PRPSAP1: variants seen among roughly 807,000 people sequenced by gnomAD.
PRPSAP1 encodes the protein phosphoribosyl pyrophosphate synthase-associated protein 1.
A neutral mutation model predicts 39.4 loss-of-function variants in PRPSAP1; 31 were observed. The ratio of observed to expected loss-of-function variants is 0.79; its 90% CI spans 0.59 to 1.06. The LOEUF (loss-of-function observed/expected upper bound fraction) is 1.06, where lower values mean the gene tolerates loss of function less well. Ranked by LOEUF, PRPSAP1 falls within the 50% of genes least tolerant of loss-of-function variation. The probability of loss-of-function intolerance (pLI) is 0.00; values close to 1 mark genes in which losing one functional copy is unlikely to be tolerated. For missense variants in PRPSAP1, 430 were observed against 511.6 expected (o/e 0.84, Z 1.54); for synonymous variants, 212 against 192.6 (o/e 1.10, Z -0.83).
intron 2 of PRPSAP1, among the ~76,000 whole-genome samples, chr17:76,345,231 T>A (rs1469046948): frequency 1.6e-5 from 1 of 62,024 alleles, no homozygotes. Flanking sequence ...CAAGATTCCG[T>A]CTCATTAAAA....
At chr17:76,313,546 G>A (rs1205256932) in intron 8 of PRPSAP1, 2 of 417,048 alleles carry the variant, frequency 4.8e-6, no homozygotes, top group Non-Finnish European at 8.6e-6. Context: ...ATGATTAGGT[G>A]AGCTGGTTTA....
chr17:76,348,222 T>C (rs1598543830), intron 2 of PRPSAP1, among the ~76,000 whole-genome samples: 2 of 151,632 alleles, frequency 1.3e-5, no homozygotes, highest in African/African-American at 4.9e-5. Context: ...CCTGTAATCC[T>C]AGCACTTTGG....
chr17:76,344,261 G>A (rs138608860), intron 3 of PRPSAP1, among the ~76,000 whole-genome samples: 2 of 152,252 alleles, frequency 1.3e-5, no homozygotes, highest in East Asian at 1.9e-4. Context: ...CTAAGTAGCT[G>A]GGACTATAGG....
intron 7 of PRPSAP1, among the ~76,000 whole-genome samples, chr17:76,315,882 T>C (rs2071118253): frequency 2.0e-5 from 3 of 151,514 alleles, no homozygotes; most frequent in African/African-American, 7.3e-5. Flanking sequence ...ATCTGGCTAA[T>C]TTTTTGTATT....
chr17:76,353,388 C>CCT lies in PRPSAP1; in HGVS notation c.170+144_170+145dup, dbSNP rs1373172351. On this transcript the variant is annotated intron_variant, in intron 1 of 9. Transcript: ENST00000446526. ...GGGGAGCGGGGGGCGGTATCCGTCA[C>CCT]CTCCAAGCTTTGTCCGGCTGGGAAG... 4.9e-6 allele frequency: 4 copies of CCT among 819,588 alleles called. No homozygotes were observed. The African/African-American group carries it at 7.4e-5, about 15-fold the overall frequency. 50.8% of individuals were successfully genotyped at this position (819,588 alleles called of 1,614,324 possible).
chr17:76,332,124 A>T, intron 4 of PRPSAP1, 139 bp downstream of exon 4: 2 of 1,016,274 alleles, frequency 2.0e-6, no homozygotes, highest in Non-Finnish European at 2.9e-6. Context: ...AACCGAGCTC[A>T]CATATCCTTA....
chr17:76,313,936 C>T (rs1410587463), intron 7 of PRPSAP1, 45 bp from the exon 8 acceptor site: 1 of 1,596,426 alleles, frequency 6.3e-7, no homozygotes, highest in African/African-American at 1.3e-5. Flanking sequence ...ATTCATGTAT[C>T]ACTAGAGAAA....
At chr17:76,335,578 C>T (rs2071369109) in intron 3 of PRPSAP1, among the ~76,000 whole-genome samples, 1 of 151,950 alleles carries the variant, frequency 6.6e-6, no homozygotes, top group South Asian at 2.1e-4. Flanking sequence ...CTGGTCTTAA[C>T]TCCTGACCTC....
chr17:76,323,653 A>G (rs2071222040), intron 7 of PRPSAP1, among the ~76,000 whole-genome samples: 1 of 152,182 alleles, frequency 6.6e-6, no homozygotes, highest in Admixed American at 6.5e-5. Context: ...GGCTGCTTCA[A>G]TCTTATGATA....
chr17:76,314,506 C>G (rs1051142240), intron 7 of PRPSAP1: 1 of 152,500 alleles, frequency 6.6e-6, no homozygotes, highest in African/African-American at 2.4e-5. Flanking sequence ...CTTGAGCCAC[C>G]ACGCCCAACC....
chr17:76,328,876 G>A lies in PRPSAP1; in HGVS notation c.636-14C>T. 2 of 1,595,624 alleles carry A rather than the reference G, an allele frequency of 1.3e-6. No individual in the cohort carries two copies. Among genetic ancestry groups the A allele is most frequent in the Non-Finnish European group, 8.5e-7 (1 of 1,171,388 alleles). ...TAGGACTGGGCCCTAGAAGGACAAAGGGAAATGGTGAAACTGACAGGAAGA... is the reference window on the plus strand; with the variant it reads ...TAGGACTGGGCCCTAGAAGGACAAAAGGAAATGGTGAAACTGACAGGAAGA... On this transcript the variant is annotated splice_polypyrimidine_tract_variant and intron_variant, in intron 6 of 9. Coordinates refer to ENST00000446526, the MANE Select transcript of PRPSAP1 (RefSeq NM_002766.3).
At chr17:76,348,271 G>T in intron 2 of PRPSAP1, among the ~76,000 whole-genome samples, 1 of 151,930 alleles carries the variant, frequency 6.6e-6, no homozygotes, top group Middle Eastern at 3.2e-3. Context: ...TCAGGAGTTT[G>T]AGACCAGCCT....
rs2071311702 is a variant in PRPSAP1, at chr17:76,330,611, G to A, written c.519C>T (p.Phe173=). ...DLHQKEIQGF[F]SFPVDNLRAS... is the part of the protein sequence containing the mutation. ...CTCTAAGGTTGTCCACAGGAAAGCT[G>A]AAAAAGCCTTGTATTTCCTTTTGAT... The change falls in exon 5 of 10, where the codon TTC becomes TTT. Residue 173 remains phenylalanine, a synonymous_variant. Coordinates refer to ENST00000446526, the MANE Select transcript of PRPSAP1 (RefSeq NM_002766.3). The A allele has an allele frequency of 5.0e-6, 8 of 1,613,304 alleles. No homozygotes were observed. Among genetic ancestry groups the A allele is most frequent in the Non-Finnish European group, 6.8e-6 (8 of 1,179,528 alleles).
chr17:76,351,408 G>A (rs759492634), intron 1 of PRPSAP1, among the ~76,000 whole-genome samples: 7 of 152,206 alleles, frequency 4.6e-5, no homozygotes, highest in Non-Finnish European at 8.8e-5. Flanking sequence ...CCAGCTACTC[G>A]GAAGGCTGAG....
intron 3 of PRPSAP1, among the ~76,000 whole-genome samples, chr17:76,335,972 AC>A: frequency 6.6e-6 from 1 of 152,214 alleles, no homozygotes; most frequent in African/African-American, 2.4e-5. Flanking sequence ...ACAGAGTGAG[AC>A]CCCATCTCTC....
chr17:76,323,140 G>C (rs981155587), intron 7 of PRPSAP1, among the ~76,000 whole-genome samples: 4 of 122,476 alleles, frequency 3.3e-5, no homozygotes, highest in African/African-American at 1.4e-4. Context: ...TCAGGAGTTT[G>C]AGATCAGCCT....
At position 76,311,382 on chromosome 17, in the gene PRPSAP1, C is replaced by G. The variant is rs1157749934; in HGVS notation, c.*160G>C. 3 of 719,970 alleles carry G rather than the reference C, an allele frequency of 4.2e-6. No individual in the cohort carries two copies. The East Asian group carries it at 8.8e-5, about 21-fold the overall frequency. The allele number at this position is 719,970 out of a possible 1,614,324, so 44.6% of individuals were successfully genotyped here. A position where few individuals can be genotyped will look rare whatever the true frequency, so the allele number is the denominator to read the frequency against. The stretch of plus-strand genomic sequence containing the variant: ...TTTATCCATTAGCTCTGTCTTCTTC[C>G]TGACTCTTTTAATCCCTCCTCCCCA... On this transcript the variant is annotated 3_prime_UTR_variant, in exon 10 of 10. Coordinates refer to ENST00000446526, the MANE Select transcript of PRPSAP1 (RefSeq NM_002766.3).
intron 6 of PRPSAP1, 130 bp downstream of exon 6, chr17:76,329,913 G>A (rs553720162): frequency 3.9e-5 from 30 of 773,140 alleles, no homozygotes; most frequent in East Asian, 7.5e-5. Flanking sequence ...ACATGACAAC[G>A]ATGGAGGGGT....
At chr17:76,322,370 T>G (rs1265875302) in intron 7 of PRPSAP1, among the ~76,000 whole-genome samples, 1 of 152,184 alleles carries the variant, frequency 6.6e-6, no homozygotes, top group African/African-American at 2.4e-5. Context: ...CACTCCAGCC[T>G]GGGCGACAGA....
Sources: gnomAD v4.1 joint callset for allele counts (sites outside exome capture counted in the v4.1 genomes callset) on GRCh38, gnomAD v4.1.1 for gene constraint, MANE v1.5 for transcripts, NCBI Gene and HGNC (gene_info 2026-07-23, HGNC 2026-07-21) for gene names.